The following MFRP variants were observed in gnomAD, a reference collection of about 807,000 sequenced individuals.
MFRP encodes the protein C1q and TNF related 5.
A neutral mutation model predicts 65.8 loss-of-function variants in MFRP; 74 were observed. That is an observed-to-expected ratio of 1.12 (90% CI 0.93 to 1.36). The LOEUF is 1.36. Among genes scored for constraint, MFRP ranks in the 40% most tolerant of loss-of-function variants. The pLI is 0.00. For missense variants in MFRP, 838 were observed against 736.0 expected (o/e 1.14, Z -1.60); for synonymous variants, 336 against 288.3 (o/e 1.17, Z -1.68).
intron 8 of MFRP, 105 bp downstream of exon 8, chr11:119,344,210 C>T: frequency 8.5e-7 from 1 of 1,179,024 alleles, no homozygotes. Flanking sequence ...CTCTGACCTT[C>T]CCAAGTAGAA....
Position 119,346,054 on chromosome 11 carries a change from A to T in MFRP, c.263T>A (p.Ile88Asn). The T allele has an allele frequency of 6.2e-7, 1 of 1,611,072 alleles. No individual in the cohort carries two copies. The highest frequency in any genetic ancestry group is 8.5e-7 in the Non-Finnish European group (1 of 1,178,778). ...LLLLGLLVAI[I>N]LAQLQAAPPS... Reference sequence around the variant, plus strand: ...TGTCCCCGGGTACTTACGGGCCAGGATGATGGCCACCAGCAGCCCAAGCAG... The same window carrying T: ...TGTCCCCGGGTACTTACGGGCCAGGTTGATGGCCACCAGCAGCCCAAGCAG... The change falls in exon 3 of 15, where the codon ATC (isoleucine) becomes AAC (asparagine). Residue 88 changes from isoleucine (I) to asparagine (N), a missense_variant. Ile to Asn is a moderately radical substitution (Grantham distance 149). Coordinates refer to ENST00000619721, the MANE Select transcript of MFRP (RefSeq NM_031433.4).
In MFRP at chr11:119,341,366, A is replaced by G. The variant is rs915615230; in HGVS notation, c.*182T>C. On this transcript the variant is annotated 3_prime_UTR_variant, in exon 13 of 15. Transcript: ENST00000619721. The stretch of plus-strand genomic sequence containing the variant: ...GCCTGGGACCGGTAAAGGGACAGGA[A>G]GGAGCAGGGAGGGTGGTAGGGTCCC... The G allele has an allele frequency of 9.9e-6, 6 of 608,796 alleles. No homozygotes were observed. The highest frequency in any genetic ancestry group is 1.7e-5 in the Non-Finnish European group (6 of 344,882). 37.7% of individuals were successfully genotyped at this position (608,796 alleles called of 1,614,324 possible).
At chr11:119,340,519 G>A (rs1211497817) in intron 13 of MFRP, 79 bp from the exon 14 acceptor site, 2 of 1,081,256 alleles carry the variant, frequency 1.8e-6, no homozygotes, top group Non-Finnish European at 2.7e-6. Flanking sequence ...CGGCCCAGTC[G>A]GTCCCCACCC....
chr11:119,340,500 AC>A (rs1950491937), intron 13 of MFRP, 60 bp from the exon 14 acceptor site: 1 of 1,295,376 alleles, frequency 7.7e-7, no homozygotes, highest in African/African-American at 1.5e-5. Context: ...CTCTCTCCCC[AC>A]CCCGGCGCGG....
At position 119,345,439 on chromosome 11, in the gene MFRP, G is replaced by T. The variant is rs931949064; in HGVS notation, c.622C>A (p.Pro208Thr). 3 of 1,613,966 alleles carry T rather than the reference G, an allele frequency of 1.9e-6. No individual in the cohort carries two copies. The highest frequency in any genetic ancestry group is 2.5e-6 in the Non-Finnish European group (3 of 1,180,030). Residue 208 changes from proline to threonine, a missense_variant, in exon 5 of 15, where the codon CCT (proline) becomes ACT (threonine). Transcript: ENST00000619721. ...ACCTACCTGAGGAGGGGGCCTTCAGGCTCAGGGGAGAGTTCCAAGCGATCA... is the reference window on the plus strand; with the variant it reads ...ACCTACCTGAGGAGGGGGCCTTCAGTCTCAGGGGAGAGTTCCAAGCGATCA... ...LFDRLELSPE[P>T]EGPLLRVCGR...
chr11:119,339,497 G>A lies in MFRP; in HGVS notation c.*1462C>T, dbSNP rs750204794. 8 of 1,613,760 alleles carry A rather than the reference G, an allele frequency of 5.0e-6. No individual in the cohort carries two copies. The Admixed American group carries it at 1.2e-4, about 24-fold the overall frequency. On this transcript the variant is annotated 3_prime_UTR_variant, in exon 15 of 15. Transcript: ENST00000619721. The surrounding 1 kb of genome is among the most constrained non-coding windows in gnomAD (Gnocchi z 5.4). ...CACCATGGCCCCCCCCGAGAGCGAG[G>A]CTGGCTTGGGCCACCCCCCGAAAAA...
chr11:119,344,894 T>A lies in MFRP; in HGVS notation c.752A>T (p.Gln251Leu), dbSNP rs1262804829. 6.2e-7 allele frequency: 1 copy of A among 1,612,964 alleles called. No individual in the cohort carries two copies. The highest frequency in any genetic ancestry group is 1.7e-5 in the Admixed American group (1 of 59,926). Residue 251 changes from glutamine (Q) to leucine (L), a missense_variant, in exon 6 of 15, where the codon CAG becomes CTG. By Grantham distance (113) the Gln-to-Leu change is moderately radical. Transcript: ENST00000619721. ...VEGFGFHAWYQAMAPGRGSCA... is the reference protein window; with the variant it reads ...VEGFGFHAWYLAMAPGRGSCA... ...CTCACCGCGCCCAGGGGCCATAGCCTGGTACCAGGCATGGAAACCAAATCC... is the reference window on the plus strand; with the variant it reads ...CTCACCGCGCCCAGGGGCCATAGCCAGGTACCAGGCATGGAAACCAAATCC...
chr11:119,344,251 C>T, intron 8 of MFRP, 64 bp downstream of exon 8: 1 of 1,468,216 alleles, frequency 6.8e-7, no homozygotes, highest in African/African-American at 1.4e-5. Flanking sequence ...TCCCATTACA[C>T]TAACTTGGGG....
intron 5 of MFRP, 40 bp from the exon 6 acceptor site, chr11:119,345,044 G>T (rs1950546360): frequency 6.3e-7 from 1 of 1,586,802 alleles, no homozygotes; most frequent in Non-Finnish European, 8.6e-7. Flanking sequence ...GGCTCCAAGA[G>T]CAGGGTCAGC....
In MFRP at chr11:119,339,428, C is replaced by G. The variant is rs1258935333; in HGVS notation, c.*1531G>C. ...GCTGGCATAGATGCCAATGTAGTCA[C>G]CCACACCCACCTGCACCCACACTTG... On this transcript the variant is annotated 3_prime_UTR_variant, in exon 15 of 15. Transcript: ENST00000619721. This position sits in a 1 kb window ranked among gnomAD's most constrained non-coding sequence, Gnocchi z 5.4. The G allele has an allele frequency of 1.2e-6, 2 of 1,613,844 alleles. No individual in the cohort carries two copies. The highest frequency in any genetic ancestry group is 1.7e-6 in the Non-Finnish European group (2 of 1,179,828).
rs150648414 is a variant in MFRP at position 119,342,877 on chromosome 11, C to T, written c.1251G>A (p.Thr417=). The T allele has an allele frequency of 1.2e-5, 20 of 1,612,974 alleles. No homozygotes were observed. The highest frequency in any genetic ancestry group is 1.7e-4 in the Middle Eastern group (1 of 6,058). The change falls in exon 10 of 15, where the codon ACG becomes ACA. Residue 417 remains threonine, a synonymous_variant. Coordinates refer to ENST00000619721, the MANE Select transcript of MFRP (RefSeq NM_031433.4). ...FSATYLAFNA[T]ENPCGPSELS... ...CACTTGCCCAGGGGCACCTACTCTCCGTGGCATTGAAGGCCAGGTAGGTGG... is the reference window on the plus strand; with the variant it reads ...CACTTGCCCAGGGGCACCTACTCTCTGTGGCATTGAAGGCCAGGTAGGTGG...
rs778538964 is a variant in MFRP at position 119,344,999 on chromosome 11, C to T, written c.647G>A (p.Cys216Tyr). The change falls in exon 6 of 15, where the codon TGT becomes TAT. Residue 216 changes from cysteine (C) to tyrosine (Y), a missense_variant. Coordinates refer to ENST00000619721, the MANE Select transcript of MFRP (RefSeq NM_031433.4). ...GAGCGTGGGGGGAGGCACCCTTCCA[C>T]AAACCCTGCAAGAAGCCAGGTTGGG... ...PEPEGPLLRV[C>Y]GRVPPPTLNT... is the part of the protein sequence containing the mutation. The T allele has an allele frequency of 6.2e-7, 1 of 1,604,328 alleles. No individual in the cohort carries two copies. Among genetic ancestry groups the T allele is most frequent in the Non-Finnish European group, 8.5e-7 (1 of 1,176,596 alleles).
In MFRP at chr11:119,341,302, T is replaced by C; in HGVS notation, c.*246A>G. The C allele has an allele frequency of 1.8e-6, 1 of 563,764 alleles. No homozygotes were observed. Among genetic ancestry groups the C allele is most frequent in the Non-Finnish European group, 3.2e-6 (1 of 316,194 alleles). The allele number at this position is 563,764 out of a possible 1,614,324, so 34.9% of individuals were successfully genotyped here. On this transcript the variant is annotated 3_prime_UTR_variant, in exon 13 of 15. Transcript: ENST00000619721. ...GGGAAGAGGCCTGGATGGGAAGTGG[T>C]CTCGATTGTCCGGTGGCACAGTGTG...
chr11:119,344,543 G>A lies in MFRP; in HGVS notation c.898+89C>T, dbSNP rs2509388. 1.5e-5 allele frequency: 24 copies of A among 1,603,446 alleles called. No homozygotes were observed. In the South Asian group the frequency reaches 2.2e-4, roughly 15 times the overall value. On this transcript the variant is annotated intron_variant, in intron 7 of 14. Coordinates refer to ENST00000619721, the MANE Select transcript of MFRP (RefSeq NM_031433.4). ...ACTGAGCAGGAAATGCTGACGGAGG[G>A]CCCGGTTTGAGGCTGGACCAGAGCT...
chr11:119,342,850 C>T (rs771945249), intron 10 of MFRP, 23 bp downstream of exon 10: 98 of 1,612,964 alleles, frequency 6.1e-5, no homozygotes, highest in Non-Finnish European at 7.8e-5. Flanking sequence ...ACTGCCCCCA[C>T]CCACTTGCCC....
chr11:119,341,735 C>G lies in MFRP; in HGVS notation c.1553G>C (p.Arg518Thr), dbSNP rs1054153031. The G allele has an allele frequency of 6.2e-7, 1 of 1,613,368 alleles. No individual in the cohort carries two copies. ...GGGCACAAGCAGCCCACACAGGAGC[C>G]TCCGGAAATGCTGGTAGCAGGGCAG... ...TSLPCYQHFRRLLCGLLVPRC... is the reference protein window; with the variant it reads ...TSLPCYQHFRTLLCGLLVPRC... Residue 518 changes from arginine (R) to threonine (T), a missense_variant, in exon 13 of 15, where the codon AGG becomes ACG. Transcript: ENST00000619721.
rs1405210060 is a variant in MFRP at position 119,341,332 on chromosome 11, C to CA, written c.*215dup. 1.4e-5 allele frequency: 8 copies of CA among 591,382 alleles called. No individual in the cohort carries two copies. The highest frequency in any genetic ancestry group is 2.1e-5 in the Non-Finnish European group (7 of 332,038). The allele number at this position is 591,382 out of a possible 1,614,324, so 36.6% of individuals were successfully genotyped here. The stretch of plus-strand genomic sequence containing the variant: ...ATTGTCCGGTGGCACAGTGTGGGGC[C>CA]AGTCAGCAGCCTGGGACCGGTAAAG... On this transcript the variant is annotated 3_prime_UTR_variant, in exon 13 of 15. Coordinates refer to ENST00000619721, the MANE Select transcript of MFRP (RefSeq NM_031433.4).
chr11:119,343,061 C>T (rs2135369649), intron 9 of MFRP, 58 bp from the exon 10 acceptor site: 4 of 1,548,782 alleles, frequency 2.6e-6, no homozygotes, highest in East Asian at 4.8e-5. Flanking sequence ...GGGGGCACTG[C>T]AGCCTCCCAC....
intron 5 of MFRP, 90 bp downstream of exon 5, chr11:119,345,330 G>C (rs770344130): frequency 1.5e-6 from 2 of 1,341,998 alleles, no homozygotes; most frequent in African/African-American, 2.9e-5. Flanking sequence ...TTTCTTCCTC[G>C]GTTAGCCCTT....
Sources: gnomAD v4.1 joint callset for allele counts on GRCh38, gnomAD v4.1.1 for gene constraint, Gnocchi (gnomAD v3.1) non-coding constraint, MANE v1.5 for transcripts, NCBI Gene and HGNC (gene_info 2026-07-23, HGNC 2026-07-21) for gene names.